PTPRK: variants seen among roughly 807,000 people sequenced by gnomAD.
PTPRK encodes the protein receptor-type tyrosine-protein phosphatase kappa.
Under a neutral mutation model 178.0 loss-of-function variants are expected in PTPRK, and 75 were observed. That is an observed-to-expected ratio of 0.42 (90% CI 0.35 to 0.51). PTPRK has a LOEUF of 0.51. Among genes scored for constraint, PTPRK ranks in the 20% least tolerant of loss-of-function variants. PTPRK has a pLI of 0.02. For missense variants in PTPRK, 1,441 were observed against 1,797.8 expected, an observed-to-expected ratio of 0.80 and a Z score of 3.59; for synonymous variants, 637 against 620.6, an observed-to-expected ratio of 1.03 and a Z score of -0.39.
At chr6:128,000,194 A>G in intron 15 of PTPRK, 1 of 1,060,384 alleles carries the variant, frequency 9.4e-7, no homozygotes, top group Non-Finnish European at 1.2e-6. Flanking sequence ...ATGATAATGC[A>G]TACTGTAGAG....
At chr6:128,041,957 A>G (rs1439319016) in intron 13 of PTPRK, among the ~76,000 whole-genome samples, 4 of 151,852 alleles carry the variant, frequency 2.6e-5, no homozygotes, top group Admixed American at 2.6e-4. Flanking sequence ...CTTGGAAATC[A>G]CCTTACCTCA....
intron 8 of PTPRK, among the ~76,000 whole-genome samples, chr6:128,088,149 G>T (rs1244398506): frequency 1.3e-5 from 2 of 152,158 alleles, no homozygotes; most frequent in South Asian, 4.2e-4. Context: ...AGGCGGAGGC[G>T]GGTGGATCAC....
intron 9 of PTPRK, 51 bp downstream of exon 9, chr6:128,083,664 C>A: frequency 9.0e-7 from 1 of 1,116,098 alleles, no homozygotes; most frequent in African/African-American, 1.6e-5. Flanking sequence ...TTTCTTCTTC[C>A]TTTTAGTCCT....
intron 2 of PTPRK, among the ~76,000 whole-genome samples, chr6:128,366,646 CA>C (rs1401358883): frequency 1.3e-5 from 2 of 152,040 alleles, no homozygotes; most frequent in Non-Finnish European, 2.9e-5. Flanking sequence ...GTTGAGAAAT[CA>C]ATCAAGTCTA....
chr6:128,091,337 A>G (rs1301446501), intron 7 of PTPRK, among the ~76,000 whole-genome samples: 2 of 152,192 alleles, frequency 1.3e-5, no homozygotes, highest in Non-Finnish European at 2.9e-5. Flanking sequence ...AAATCGTTTT[A>G]TATGTTTAGC....
chr6:128,130,596 T>C (rs1486777714), intron 7 of PTPRK, among the ~76,000 whole-genome samples: 1 of 152,182 alleles, frequency 6.6e-6, no homozygotes, highest in Non-Finnish European at 1.5e-5. Flanking sequence ...GGGTTTCATT[T>C]AGGAAATGCT....
At chr6:128,256,484 C>A (rs1817334615) in intron 3 of PTPRK, among the ~76,000 whole-genome samples, 1 of 149,354 alleles carries the variant, frequency 6.7e-6, no homozygotes, top group Non-Finnish European at 1.5e-5. Context: ...CGTTCTGTTG[C>A]CAGGTTGGAG....
At chr6:128,371,348 A>G (rs954652510) in intron 2 of PTPRK, among the ~76,000 whole-genome samples, 10 of 152,218 alleles carry the variant, frequency 6.6e-5, no homozygotes, top group African/African-American at 1.9e-4. Flanking sequence ...TTTCTAACTC[A>G]GATTGATAGC....
At chr6:128,485,695 A>C (rs1173587304) in intron 1 of PTPRK, among the ~76,000 whole-genome samples, 1 of 152,188 alleles carries the variant, frequency 6.6e-6, no homozygotes, top group African/African-American at 2.4e-5. Flanking sequence ...GGGGACCAAG[A>C]CTGAAAGTAA....
chr6:128,146,555 T>A (rs552109157), intron 7 of PTPRK, among the ~76,000 whole-genome samples: 2 of 151,846 alleles, frequency 1.3e-5, no homozygotes, highest in Admixed American at 1.3e-4. Flanking sequence ...GCGATTCTCC[T>A]GCCTCAGCCT....
At chr6:128,314,004 C>T (rs970526481) in intron 3 of PTPRK, among the ~76,000 whole-genome samples, 3 of 152,066 alleles carry the variant, frequency 2.0e-5, no homozygotes, top group African/African-American at 7.2e-5. Context: ...TAACCTTTGA[C>T]CTCTGTATCT....
intron 7 of PTPRK, among the ~76,000 whole-genome samples, chr6:128,154,094 G>A (rs1433097686): frequency 6.6e-6 from 1 of 151,706 alleles, no homozygotes; most frequent in Non-Finnish European, 1.5e-5. Flanking sequence ...GATAGAAAAA[G>A]CTAAGACAGG....
intron 5 of PTPRK, among the ~76,000 whole-genome samples, chr6:128,238,982 T>TATTA (rs1813861062): frequency 6.6e-6 from 1 of 152,138 alleles, no homozygotes; most frequent in Admixed American, 6.6e-5. Flanking sequence ...TTATACAAGG[T>TATTA]ATTATTTCAA....
At chr6:128,295,310 C>A (rs900143736) in intron 3 of PTPRK, among the ~76,000 whole-genome samples, 1 of 152,072 alleles carries the variant, frequency 6.6e-6, no homozygotes, top group African/African-American at 2.4e-5. Context: ...ATTTGGCCTG[C>A]TGGTGGTAAT....
chr6:128,379,186 GT>G (rs1272734879), intron 2 of PTPRK, among the ~76,000 whole-genome samples: 1 of 151,914 alleles, frequency 6.6e-6, no homozygotes, highest in African/African-American at 2.4e-5. Context: ...ACATACTCCA[GT>G]TTACTGGTTC....
chr6:128,305,486 C>T (rs17456385), intron 3 of PTPRK, among the ~76,000 whole-genome samples: 10,658 of 152,104 alleles, frequency 0.07, 420 homozygotes, highest in African/African-American at 0.083. Flanking sequence ...TGTATTATTG[C>T]TATGGTAGCA....
chr6:128,068,283 G>C (rs927250680), intron 11 of PTPRK, among the ~76,000 whole-genome samples: 1 of 152,186 alleles, frequency 6.6e-6, no homozygotes, highest in Admixed American at 6.6e-5. Context: ...GTACTGACAG[G>C]CTTCTCCACC....
chr6:128,094,532 G>A (rs986511632), intron 7 of PTPRK, among the ~76,000 whole-genome samples: 1 of 152,102 alleles, frequency 6.6e-6, no homozygotes, highest in African/African-American at 2.4e-5. Context: ...AATGAACAGA[G>A]AAAGTTCAAG....
intron 13 of PTPRK, among the ~76,000 whole-genome samples, chr6:128,040,279 A>G (rs1170317399): frequency 6.6e-6 from 1 of 152,158 alleles, no homozygotes; most frequent in Non-Finnish European, 1.5e-5. Context: ...GCATAATACA[A>G]AGCAGTTTTA....
Sources: gnomAD v4.1 joint callset for allele counts (sites outside exome capture counted in the v4.1 genomes callset) on GRCh38, gnomAD v4.1.1 for gene constraint, MANE v1.5 for transcripts, NCBI Gene and HGNC (gene_info 2026-07-23, HGNC 2026-07-21) for gene names.